RCAN2: variants seen among roughly 807,000 people sequenced by gnomAD.
RCAN2 encodes calcipressin-2.
In RCAN2, 9 loss-of-function variants were observed where a neutral mutation model predicts 23.6. The ratio of observed to expected loss-of-function variants is 0.38; its 90% CI spans 0.23 to 0.67. The LOEUF (loss-of-function observed/expected upper bound fraction) is 0.67. Ranked by LOEUF, RCAN2 falls within the 30% of genes least tolerant of loss-of-function variation. The pLI is 0.51. For synonymous variants in RCAN2, 109 were observed against 115.7 expected (o/e 0.94, Z 0.37); for missense variants, 273 against 302.3 (o/e 0.90, Z 0.72).
At chr6:46,323,149 T>G (rs1199131402) in intron 2 of RCAN2, among the ~76,000 whole-genome samples, 1 of 152,160 alleles carries the variant, frequency 6.6e-6, no homozygotes, top group Non-Finnish European at 1.5e-5. Context: ...CAGCTGGATT[T>G]AGGACATTCT....
chr6:46,305,958 G>A (rs1763052481), intron 2 of RCAN2, among the ~76,000 whole-genome samples: 1 of 151,190 alleles, frequency 6.6e-6, no homozygotes. Context: ...TGTATGCCTG[G>A]CGTCAGTCCT....
intron 2 of RCAN2, among the ~76,000 whole-genome samples, chr6:46,409,267 A>AAATCAC (rs1766487884): frequency 6.6e-6 from 1 of 152,202 alleles, no homozygotes; most frequent in Admixed American, 6.5e-5. Context: ...CAATAACTAA[A>AAATCAC]AATCACATTT....
chr6:46,293,862 C>T (rs79016308), intron 2 of RCAN2, among the ~76,000 whole-genome samples: 1,930 of 152,240 alleles, frequency 0.013, 43 homozygotes, highest in African/African-American at 0.044. Flanking sequence ...CTAGGCAAAA[C>T]AGAGGTCAGG....
At chr6:46,322,145 C>A (rs780332950) in intron 2 of RCAN2, among the ~76,000 whole-genome samples, 1 of 152,218 alleles carries the variant, frequency 6.6e-6, no homozygotes, top group Non-Finnish European at 1.5e-5. Flanking sequence ...TCTCTTGGAT[C>A]TCTTTCATTT....
At chr6:46,316,513 A>G (rs904131898) in intron 2 of RCAN2, among the ~76,000 whole-genome samples, 1 of 152,194 alleles carries the variant, frequency 6.6e-6, no homozygotes, top group Admixed American at 6.5e-5. Flanking sequence ...GCCTCTTTAG[A>G]GGTCATAACA....
chr6:46,351,248 C>T (rs976938080), intron 2 of RCAN2, among the ~76,000 whole-genome samples: 1 of 152,200 alleles, frequency 6.6e-6, no homozygotes, highest in African/African-American at 2.4e-5. Context: ...CAAGTATTGA[C>T]AGAATCCTTC....
intron 2 of RCAN2, among the ~76,000 whole-genome samples, chr6:46,252,398 C>A (rs7753026): frequency 2.0e-3 from 303 of 152,268 alleles, no homozygotes; most frequent in African/African-American, 7.1e-3. Flanking sequence ...AATTTCTCCT[C>A]GATCGTTAGT....
intron 2 of RCAN2, among the ~76,000 whole-genome samples, chr6:46,343,500 T>A (rs916528983): frequency 6.6e-6 from 1 of 150,820 alleles, no homozygotes; most frequent in African/African-American, 2.4e-5. Flanking sequence ...CTCAGCCTCC[T>A]GAGTAGCTGG....
chr6:46,256,119 C>T (rs1268969086), intron 2 of RCAN2, among the ~76,000 whole-genome samples: 1 of 152,148 alleles, frequency 6.6e-6, no homozygotes, highest in East Asian at 1.9e-4. Flanking sequence ...CCTGTAATCC[C>T]AGCACTTTGG....
chr6:46,460,984 G>A (rs1196393701), intron 1 of RCAN2, among the ~76,000 whole-genome samples: 1 of 152,074 alleles, frequency 6.6e-6, no homozygotes, highest in Non-Finnish European at 1.5e-5. Flanking sequence ...AGACTCACAG[G>A]ATTCCTCTAG....
intron 2 of RCAN2, among the ~76,000 whole-genome samples, chr6:46,406,723 T>C (rs1206245577): frequency 6.6e-6 from 1 of 152,254 alleles, no homozygotes; most frequent in South Asian, 2.1e-4. Flanking sequence ...ACCCATTATG[T>C]ACTTATAGAG....
At chr6:46,450,690 A>G (rs1767849528) in intron 2 of RCAN2, among the ~76,000 whole-genome samples, 1 of 152,088 alleles carries the variant, frequency 6.6e-6, no homozygotes, top group African/African-American at 2.4e-5. Flanking sequence ...AGGTACAGAA[A>G]GACAAATATT....
chr6:46,415,023 G>GTTCT (rs1335384668), intron 2 of RCAN2, among the ~76,000 whole-genome samples: 4 of 152,142 alleles, frequency 2.6e-5, no homozygotes, highest in African/African-American at 9.7e-5. Context: ...ACATAGTCCT[G>GTTCT]GAAAGGTAGA....
intron 4 of RCAN2, among the ~76,000 whole-genome samples, chr6:46,239,238 C>G (rs948100412): frequency 1.2e-4 from 18 of 152,342 alleles, no homozygotes; most frequent in African/African-American, 4.1e-4. Flanking sequence ...TATTTGGTAG[C>G]TGCCTATTCA....
At chr6:46,415,499 G>A (rs1766687567) in intron 2 of RCAN2, among the ~76,000 whole-genome samples, 1 of 152,176 alleles carries the variant, frequency 6.6e-6, no homozygotes, top group African/African-American at 2.4e-5. Context: ...ACATGTGAGT[G>A]AATAGATTCA....
chr6:46,351,615 A>G (rs1367830633), intron 2 of RCAN2, among the ~76,000 whole-genome samples: 3 of 152,234 alleles, frequency 2.0e-5, no homozygotes, highest in Non-Finnish European at 2.9e-5. Context: ...AACAGCACAC[A>G]TCATCAAACT....
At chr6:46,440,393 CAAAA>C (rs769160624) in intron 2 of RCAN2, among the ~76,000 whole-genome samples, 1 of 128,040 alleles carries the variant, frequency 7.8e-6, no homozygotes, top group Non-Finnish European at 1.7e-5. Flanking sequence ...TGAGTCACGG[CAAAA>C]AAAAAAAAAG....
At chr6:46,306,179 G>A (rs1054517506) in intron 2 of RCAN2, among the ~76,000 whole-genome samples, 7 of 152,210 alleles carry the variant, frequency 4.6e-5, no homozygotes, top group Admixed American at 1.3e-4. Context: ...GGGCTGTATG[G>A]CTCCAAGACT....
chr6:46,268,793 T>C (rs1767428375), intron 2 of RCAN2, among the ~76,000 whole-genome samples: 1 of 152,194 alleles, frequency 6.6e-6, no homozygotes, highest in African/African-American at 2.4e-5. Flanking sequence ...TTCCCTAATT[T>C]TGGAGTTCAG....
Sources: allele counts gnomAD v4.1 joint callset (sites outside exome capture counted in the v4.1 genomes callset), GRCh38; gene constraint gnomAD v4.1.1; transcripts MANE v1.5; gene names NCBI Gene and HGNC (gene_info 2026-07-23, HGNC 2026-07-21).